Variants in KCNH7 observed in about 807,000 individuals in gnomAD.
KCNH7 encodes voltage-gated inwardly rectifying potassium channel KCNH7.
A neutral mutation model predicts 120.8 loss-of-function variants in KCNH7; 49 were observed. The observed-to-expected ratio is 0.41, with a 90% confidence interval of 0.32 to 0.51. KCNH7 has a LOEUF of 0.51. Among genes scored for constraint, KCNH7 ranks in the 20% least tolerant of loss-of-function variants. KCNH7 has a pLI of 0.38. For synonymous variants in KCNH7, 547 were observed against 516.1 expected, an observed-to-expected ratio of 1.06 and a Z score of -0.81; for missense variants, 1,097 against 1,446.6, an observed-to-expected ratio of 0.76 and a Z score of 3.92.
At chr2:162,746,125 TC>T (rs1384027614) in intron 2 of KCNH7, among the ~76,000 whole-genome samples, 1 of 152,134 alleles carries the variant, frequency 6.6e-6, no homozygotes, top group African/African-American at 2.4e-5. Context: ...ACAATTATTT[TC>T]CTTTAACCTC....
intron 2 of KCNH7, among the ~76,000 whole-genome samples, chr2:162,701,766 C>G (rs56250937): frequency 6.6e-6 from 1 of 152,002 alleles, no homozygotes; most frequent in Non-Finnish European, 1.5e-5. Flanking sequence ...CCCAGCACTT[C>G]GGGAGGCCAA....
intron 2 of KCNH7, among the ~76,000 whole-genome samples, chr2:162,811,373 A>G (rs1343706570): frequency 6.6e-6 from 1 of 152,166 alleles, no homozygotes; most frequent in Non-Finnish European, 1.5e-5. Flanking sequence ...TGCCAGAGAA[A>G]GTATATTTAA....
intron 12 of KCNH7, among the ~76,000 whole-genome samples, chr2:162,389,901 G>T (rs186946405): frequency 1.3e-3 from 205 of 152,108 alleles, no homozygotes; most frequent in African/African-American, 4.5e-3. Flanking sequence ...ATTTCTATTT[G>T]TCTCCTTGTT....
At chr2:162,531,342 T>G (rs1203305156) in intron 3 of KCNH7, among the ~76,000 whole-genome samples, 2 of 151,998 alleles carry the variant, frequency 1.3e-5, no homozygotes, top group Non-Finnish European at 2.9e-5. Flanking sequence ...TCCCCTTCTC[T>G]GCCATGCTGC....
intron 2 of KCNH7, among the ~76,000 whole-genome samples, chr2:162,608,984 C>T (rs1193581035): frequency 6.6e-6 from 1 of 152,126 alleles, no homozygotes; most frequent in Non-Finnish European, 1.5e-5. Flanking sequence ...AATAACAGAC[C>T]ATTATTCCCC....
intron 2 of KCNH7, among the ~76,000 whole-genome samples, chr2:162,794,848 A>G (rs779274353): frequency 6.6e-6 from 1 of 152,032 alleles, no homozygotes; most frequent in Non-Finnish European, 1.5e-5. Context: ...TGGAAAAATG[A>G]CCTTATTAAT....
chr2:162,758,621 T>C (rs1365203150), intron 2 of KCNH7, among the ~76,000 whole-genome samples: 1 of 152,072 alleles, frequency 6.6e-6, no homozygotes, highest in Non-Finnish European at 1.5e-5. Context: ...ATACACATAT[T>C]TGTATATACC....
intron 2 of KCNH7, among the ~76,000 whole-genome samples, chr2:162,564,001 T>G (rs775476634): frequency 2.0e-5 from 3 of 152,316 alleles, no homozygotes; most frequent in South Asian, 2.1e-4. Flanking sequence ...TCATTCATTC[T>G]TTAATAGCAA....
chr2:162,518,596 G>A (rs1053009912), intron 3 of KCNH7, among the ~76,000 whole-genome samples: 8 of 151,764 alleles, frequency 5.3e-5, no homozygotes, highest in African/African-American at 1.9e-4. Flanking sequence ...GAGCTAATGT[G>A]TTGGAACAGG....
chr2:162,637,257 A>T (rs1386558032), intron 2 of KCNH7, among the ~76,000 whole-genome samples: 2 of 151,944 alleles, frequency 1.3e-5, no homozygotes, highest in African/African-American at 4.8e-5. Context: ...TCCCTATGTG[A>T]CCTGTTCTTC....
At chr2:162,433,571 G>A (rs189539458) in intron 8 of KCNH7, among the ~76,000 whole-genome samples, 10 of 152,212 alleles carry the variant, frequency 6.6e-5, no homozygotes, top group African/African-American at 2.4e-4. Context: ...CAGCTGGCTA[G>A]CCATATGCAG....
intron 6 of KCNH7, among the ~76,000 whole-genome samples, chr2:162,485,574 G>A (rs915686309): frequency 6.6e-5 from 10 of 152,284 alleles, no homozygotes; most frequent in Middle Eastern, 6.8e-3. Flanking sequence ...AGGAAATATA[G>A]GAAGGGAAGA....
intron 2 of KCNH7, among the ~76,000 whole-genome samples, chr2:162,645,159 A>T (rs1263601259): frequency 6.6e-6 from 1 of 150,788 alleles, no homozygotes; most frequent in African/African-American, 2.4e-5. Flanking sequence ...TTATTGAAGC[A>T]TTTTTTTTTA....
chr2:162,429,427 A>G (rs1215669344), intron 8 of KCNH7, among the ~76,000 whole-genome samples: 3 of 69,888 alleles, frequency 4.3e-5, no homozygotes, highest in South Asian at 4.0e-4. Context: ...TACCACTTCT[A>G]GTTTTTCGTT....
intron 6 of KCNH7, among the ~76,000 whole-genome samples, chr2:162,460,280 CA>C (rs1197125064): frequency 6.6e-6 from 1 of 151,874 alleles, no homozygotes; most frequent in Non-Finnish European, 1.5e-5. Flanking sequence ...AGAAGAAGAC[CA>C]AACTCACTCT....
At chr2:162,693,555 A>G (rs1180838848) in intron 2 of KCNH7, among the ~76,000 whole-genome samples, 1 of 152,214 alleles carries the variant, frequency 6.6e-6, no homozygotes. Flanking sequence ...GGTTATTTTC[A>G]ATGTGCAATG....
chr2:162,469,473 G>T (rs1274650402), intron 6 of KCNH7, among the ~76,000 whole-genome samples: 1 of 152,106 alleles, frequency 6.6e-6, no homozygotes, highest in Non-Finnish European at 1.5e-5. Context: ...GGGCCATCTA[G>T]GGATCTTTGA....
intron 6 of KCNH7, among the ~76,000 whole-genome samples, chr2:162,461,918 C>G (rs756341028): frequency 1.3e-4 from 20 of 152,136 alleles, no homozygotes; most frequent in Non-Finnish European, 2.8e-4. Flanking sequence ...ATGACTTTCT[C>G]TATTTCCCTG....
chr2:162,400,827 C>A (rs889663488), intron 9 of KCNH7, among the ~76,000 whole-genome samples: 2 of 151,844 alleles, frequency 1.3e-5, no homozygotes, highest in Non-Finnish European at 2.9e-5. Context: ...AGACAATCAA[C>A]CTTTTGAAAG....
Sources: gnomAD v4.1 joint callset for allele counts (sites outside exome capture counted in the v4.1 genomes callset) on GRCh38, gnomAD v4.1.1 for gene constraint, MANE v1.5 for transcripts, NCBI Gene and HGNC (gene_info 2026-07-23, HGNC 2026-07-21) for gene names.